The following CDH4 variants were observed in gnomAD, a reference collection of about 807,000 sequenced individuals.
The protein encoded by CDH4 is cadherin 4.
Under a neutral mutation model 86.0 loss-of-function variants are expected in CDH4, and 33 were observed. The ratio of observed to expected loss-of-function variants is 0.38; its 90% CI spans 0.29 to 0.51. The LOEUF (loss-of-function observed/expected upper bound fraction) is 0.51. CDH4 is among the 20% of genes least tolerant of loss of function. The pLI, the probability that CDH4 is intolerant of heterozygous loss-of-function variation, is 0.86. For missense variants in CDH4, 1,114 were observed against 1,307.4 expected, an observed-to-expected ratio of 0.85 and a Z score of 2.28; for synonymous variants, 555 against 549.4, an observed-to-expected ratio of 1.01 and a Z score of -0.14.
intron 7 of CDH4, among the ~76,000 whole-genome samples, chr20:61,882,990 C>T (rs1000262320): frequency 1.8e-4 from 27 of 152,206 alleles, no homozygotes; most frequent in African/African-American, 6.5e-4. Context: ...CCCAGAAGCC[C>T]AGTGATCCTG....
intron 2 of CDH4, among the ~76,000 whole-genome samples, chr20:61,346,615 G>A (rs543802564): frequency 8.0e-5 from 12 of 150,832 alleles, no homozygotes; most frequent in African/African-American, 2.2e-4. Context: ...GTGGTGGCAC[G>A]TGCCTGTAGT....
intron 2 of CDH4, among the ~76,000 whole-genome samples, chr20:61,714,782 T>C (rs1005030061): frequency 1.3e-5 from 2 of 152,222 alleles, no homozygotes; most frequent in South Asian, 4.2e-4. Context: ...CACATATATA[T>C]GCTACATTTT....
At chr20:61,304,426 G>T (rs1481822849) in intron 2 of CDH4, among the ~76,000 whole-genome samples, 1 of 152,100 alleles carries the variant, frequency 6.6e-6, no homozygotes, top group African/African-American at 2.4e-5. Flanking sequence ...AATGGTCTGC[G>T]TGGTTGGCTT....
chr20:61,356,866 G>C (rs529469165), intron 2 of CDH4, among the ~76,000 whole-genome samples: 1 of 152,348 alleles, frequency 6.6e-6, no homozygotes, highest in East Asian at 1.9e-4. Context: ...GGACAGATTT[G>C]AAAGATGTGA....
rs1019796775 is a variant in CDH4, at chr20:61,938,375, G to C, written c.*1432G>C. 1 of 152,362 alleles carries C rather than the reference G, an allele frequency of 6.6e-6. No individual in the cohort carries two copies. The highest frequency in any genetic ancestry group is 2.4e-5 in the African/African-American group (1 of 41,456). The allele number at this position is 152,362 out of a possible 1,614,324, so 9.4% of individuals were successfully genotyped here. On this transcript the variant is annotated 3_prime_UTR_variant, in exon 16 of 16. Coordinates refer to ENST00000614565, the MANE Select transcript of CDH4 (RefSeq NM_001794.5). ...GCTCACTGCATGAGAAAACTCAGAG[G>C]GTGCATTCTCCCTCTGGCATGGCTG...
intron 7 of CDH4, among the ~76,000 whole-genome samples, chr20:61,885,893 G>T (rs564438956): frequency 1.6e-3 from 243 of 152,354 alleles, no homozygotes; most frequent in Non-Finnish European, 2.3e-3. Context: ...AGTGACAGCA[G>T]GGAAGGCCCT....
chr20:61,599,312 C>T (rs918497326), intron 2 of CDH4, among the ~76,000 whole-genome samples: 3 of 152,186 alleles, frequency 2.0e-5, no homozygotes, highest in African/African-American at 7.2e-5. Context: ...GGACCTCCTT[C>T]TGCTGGGGGA....
intron 2 of CDH4, among the ~76,000 whole-genome samples, chr20:61,366,499 C>G (rs1366173998): frequency 6.6e-6 from 1 of 152,156 alleles, no homozygotes; most frequent in Non-Finnish European, 1.5e-5. Context: ...GCTGACAGCC[C>G]CGAACAGAGA....
At position 61,684,040 on chromosome 20, in the gene CDH4, A is replaced by T. The variant is rs1303009720; in HGVS notation, c.170-59523A>T. Among the ~76,000 whole-genome samples the T allele has an allele frequency of 6.6e-6, 1 of 152,176 alleles. No individual in the cohort carries two copies. The highest frequency in any genetic ancestry group is 1.5e-5 in the Non-Finnish European group (1 of 68,022). Reference sequence around the variant, plus strand: ...TGGGCGTGGCAGGGACTACAGCCAGAGCTGGGTCTGTTTGGTGCTTCTTCC... The same window carrying T: ...TGGGCGTGGCAGGGACTACAGCCAGTGCTGGGTCTGTTTGGTGCTTCTTCC... On this transcript the variant is annotated intron_variant, in intron 2 of 15. Coordinates refer to ENST00000614565, the MANE Select transcript of CDH4 (RefSeq NM_001794.5). This position sits in a 1 kb window ranked among gnomAD's most constrained non-coding sequence, Gnocchi z 4.5.
intron 3 of CDH4, among the ~76,000 whole-genome samples, chr20:61,757,846 C>T (rs1005762310): frequency 2.0e-5 from 3 of 152,130 alleles, no homozygotes; most frequent in Non-Finnish European, 2.9e-5. Context: ...GAGGCATGGC[C>T]ACAGGACTGG....
At chr20:61,752,017 T>C (rs1434472424) in intron 3 of CDH4, among the ~76,000 whole-genome samples, 2 of 152,214 alleles carry the variant, frequency 1.3e-5, no homozygotes, top group African/African-American at 2.4e-5. Flanking sequence ...CGGGAAAGAA[T>C]GATCACTGGA....
intron 2 of CDH4, among the ~76,000 whole-genome samples, chr20:61,601,031 C>T (rs1019977508): frequency 1.3e-5 from 2 of 152,136 alleles, no homozygotes; most frequent in Non-Finnish European, 2.9e-5. Context: ...AGTCTGTTCT[C>T]GTGTTGCTAT....
intron 2 of CDH4, among the ~76,000 whole-genome samples, chr20:61,444,291 GGGTTTCTT>G (rs1220072353): frequency 0.14 from 20,699 of 150,248 alleles, 16 homozygotes; most frequent in Admixed American, 0.17. Context: ...ATGTATGTGT[GGGTTTCTT>G]TGTGTATGTA....
intron 2 of CDH4, among the ~76,000 whole-genome samples, chr20:61,270,434 C>G (rs2084177714): frequency 6.6e-6 from 1 of 152,076 alleles, no homozygotes; most frequent in Admixed American, 6.5e-5. Flanking sequence ...AATGGAATAC[C>G]AGTGCTGGGC....
chr20:61,636,273 C>T (rs1040435963), intron 2 of CDH4, among the ~76,000 whole-genome samples: 7 of 152,208 alleles, frequency 4.6e-5, no homozygotes, highest in African/African-American at 1.7e-4. Context: ...CCCAGAGCCT[C>T]TCAATGGAAT....
At chr20:61,299,108 A>G (rs116838073) in intron 2 of CDH4, among the ~76,000 whole-genome samples, 2,520 of 152,292 alleles carry the variant, frequency 0.017, 71 homozygotes, top group African/African-American at 0.056. Context: ...AATCAAGTTA[A>G]GAGACAGTCA....
intron 2 of CDH4, among the ~76,000 whole-genome samples, chr20:61,403,071 C>T (rs1897092430): frequency 1.3e-5 from 2 of 152,178 alleles, no homozygotes; most frequent in South Asian, 4.1e-4. Flanking sequence ...GCAAATTTTG[C>T]AGGGGTCTCT....
At chr20:61,346,501 T>G (rs1446880433) in intron 2 of CDH4, among the ~76,000 whole-genome samples, 1 of 151,998 alleles carries the variant, frequency 6.6e-6, no homozygotes, top group Non-Finnish European at 1.5e-5. Flanking sequence ...CCCAGCACTT[T>G]GGGAGGCTGA....
At position 61,544,474 on chromosome 20, in the gene CDH4, C is replaced by T. The variant is rs574742627; in HGVS notation, c.170-199089C>T. On this transcript the variant is annotated intron_variant, in intron 2 of 15. Coordinates refer to ENST00000614565, the MANE Select transcript of CDH4 (RefSeq NM_001794.5). The surrounding 1 kb of genome is among the most constrained non-coding windows in gnomAD (Gnocchi z 6.5). ...GAGCGCAGTGGGAGCCGCAGGGCAT[C>T]GGGGTCTTCGAAGGAAAGCCCGTGG... Among the ~76,000 whole-genome samples, 4 of 151,924 alleles carry T rather than the reference C, an allele frequency of 2.6e-5. No homozygotes were observed. The highest frequency in any genetic ancestry group is 1.3e-4 in the Admixed American group (2 of 15,246).
Sources: allele counts gnomAD v4.1 joint callset (sites outside exome capture counted in the v4.1 genomes callset), GRCh38; gene constraint gnomAD v4.1.1; non-coding constraint Gnocchi (gnomAD v3.1); transcripts MANE v1.5; gene names NCBI Gene and HGNC (gene_info 2026-07-23, HGNC 2026-07-21).